NBPF4: variants seen among roughly 807,000 people sequenced by gnomAD.
NBPF4 encodes the protein NBPF member 4, also known as NBPF family member NBPF4.
Under a neutral mutation model 21.1 loss-of-function variants are expected in NBPF4, and 11 were observed. That is an observed-to-expected ratio of 0.52 (90% CI 0.33 to 0.86). The LOEUF (loss-of-function observed/expected upper bound fraction) is 0.86, where lower values mean the gene tolerates loss of function less well. NBPF4 is among the 40% of genes least tolerant of loss of function. The pLI is 0.03. For synonymous variants in NBPF4, 47 were observed against 106.4 expected (o/e 0.44, Z 3.43); for missense variants, 88 against 265.3 (o/e 0.33, Z 4.64).
chr1:108,258,578 T>C, the NBPF4 span, among the ~76,000 whole-genome samples: 2 of 139,306 alleles, frequency 1.4e-5, no homozygotes, highest in East Asian at 4.0e-4. Flanking sequence ...GAAAAGAATC[T>C]TTTTCATTTT....
chr1:108,247,591 G>T (rs1322005491), upstream of NBPF4, among the ~76,000 whole-genome samples: 1 of 152,176 alleles, frequency 6.6e-6, no homozygotes, highest in African/African-American at 2.4e-5. Context: ...ATCTCAGAAA[G>T]AGTCCCCTCC....
At position 108,223,743 on chromosome 1, in the gene NBPF4, G is replaced by A; in HGVS notation, c.1879C>T (p.Pro627Ser). 6.4e-7 allele frequency: 1 copy of A among 1,553,850 alleles called. No individual in the cohort carries two copies. Among genetic ancestry groups the A allele is most frequent in the Non-Finnish European group, 8.7e-7 (1 of 1,148,312 alleles). The change falls in exon 15 of 15, where the codon CCA (proline) becomes TCA (serine). Residue 627 changes from proline (P) to serine (S), a missense_variant. Physicochemically the swap from Pro to Ser is moderately conservative, Grantham distance 74. Around this residue, in one of 4 missense-constraint regions of NBPF4, gnomAD observed 17 missense variants for 20.7 expected, o/e 0.82. Coordinates refer to ENST00000415641, the MANE Select transcript of NBPF4 (RefSeq NM_001143989.3). The stretch of plus-strand genomic sequence containing the variant: ...CTTTGCGTCCTTCCAGCAGTATTTG[G>A]TATCTGTAGGGGAGAGAGAGAAAAA... ...AGPHAESAEI[P>S]NTAGRTQRMA...
At chr1:108,226,436 A>T (rs1258020137) in intron 14 of NBPF4, among the ~76,000 whole-genome samples, 1 of 150,778 alleles carries the variant, frequency 6.6e-6, no homozygotes, top group Non-Finnish European at 1.5e-5. Flanking sequence ...TCCTGTGGCC[A>T]TGAGAGGGAC....
At position 108,223,101 on chromosome 1, in the gene NBPF4, C is replaced by A. The variant is rs1371512190; in HGVS notation, c.*604G>T. Among the ~76,000 whole-genome samples the A allele has an allele frequency of 6.6e-6, 1 of 152,150 alleles. No homozygotes were observed. Among genetic ancestry groups the A allele is most frequent in the Non-Finnish European group, 1.5e-5 (1 of 68,022 alleles). On this transcript the variant is annotated 3_prime_UTR_variant, in exon 15 of 15. Transcript: ENST00000415641. ...GTCCTCCACAAACAAGTCCATGTCACCACCATCAATGACAACAACAAAAAG... is the reference window on the plus strand; with the variant it reads ...GTCCTCCACAAACAAGTCCATGTCAACACCATCAATGACAACAACAAAAAG...
chr1:108,258,438 T>TA, the NBPF4 span, among the ~76,000 whole-genome samples: 1 of 139,868 alleles, frequency 7.1e-6, no homozygotes, highest in African/African-American at 2.7e-5. Context: ...GCATTGGAAT[T>TA]ACATAAAATA....
chr1:108,244,945 TATACAC>T (rs1275758992), upstream of NBPF4, among the ~76,000 whole-genome samples: 91 of 37,980 alleles, frequency 2.4e-3, 15 homozygotes, highest in African/African-American at 7.8e-3. Context: ...TATATATATA[TATACAC>T]ACACATATAG....
the NBPF4 span, among the ~76,000 whole-genome samples, chr1:108,252,377 A>C: frequency 1.1e-4 from 2 of 18,602 alleles, no homozygotes; most frequent in East Asian, 2.4e-3. Flanking sequence ...ATTGGCTTGA[A>C]GTTTTTTTTT....
At chr1:108,252,580 C>A in the NBPF4 span, among the ~76,000 whole-genome samples, 4 of 95,308 alleles carry the variant, frequency 4.2e-5, no homozygotes, top group Admixed American at 1.1e-4. Context: ...TTTTTTATTA[C>A]CAATTCAATT....
chr1:108,229,758 CCCTT>C (rs1489890483), intron 12 of NBPF4, among the ~76,000 whole-genome samples: 11 of 73,872 alleles, frequency 1.5e-4, no homozygotes, highest in Non-Finnish European at 2.6e-4. Flanking sequence ...AGGGACCAGT[CCCTT>C]CCTGCAAATT....
At chr1:108,229,228 C>G in intron 12 of NBPF4, 72 bp from the exon 13 acceptor site, 3 of 1,186,788 alleles carry the variant, frequency 2.5e-6, no homozygotes, top group Non-Finnish European at 3.6e-6. Flanking sequence ...GAACACCCAT[C>G]CCTGATGTCC....
At chr1:108,246,579 C>T, upstream of NBPF4, among the ~76,000 whole-genome samples, 3 of 107,278 alleles carry the variant, frequency 2.8e-5, 1 homozygote, top group Non-Finnish European at 3.9e-5. Flanking sequence ...CTCAGAATGA[C>T]CTGGCCGTGA....
the NBPF4 span, among the ~76,000 whole-genome samples, chr1:108,257,535 T>C: frequency 2.0e-5 from 3 of 148,734 alleles, no homozygotes; most frequent in South Asian, 6.4e-4. Context: ...CTAATTTTTA[T>C]ATATGGAGTG....
Position 108,223,624 on chromosome 1 carries a change from A to C in NBPF4, c.*81T>G. 8.3e-7 allele frequency: 1 copy of C among 1,203,078 alleles called. No homozygotes were observed. The highest frequency in any genetic ancestry group is 1.2e-6 in the Non-Finnish European group (1 of 826,742). 74.5% of individuals were successfully genotyped at this position (1,203,078 alleles called of 1,614,324 possible). On this transcript the variant is annotated 3_prime_UTR_variant, in exon 15 of 15. Transcript: ENST00000415641. ...TCAATCCTCAGTGAAGGACCCCTGC[A>C]GTATTGTGTTTGGACTTAAACTTGC...
rs886436252 is a variant in NBPF4 at position 108,223,247 on chromosome 1, T to C, written c.*458A>G. 2 of 154,256 alleles carry C rather than the reference T, an allele frequency of 1.3e-5. No individual in the cohort carries two copies. Among genetic ancestry groups the C allele is most frequent in the African/African-American group, 2.4e-5 (1 of 41,466 alleles). 9.6% of individuals were successfully genotyped at this position (154,256 alleles called of 1,614,324 possible). On this transcript the variant is annotated 3_prime_UTR_variant, in exon 15 of 15. Transcript: ENST00000415641. The stretch of plus-strand genomic sequence containing the variant: ...TTGTGTTCTTGGTGGTGACATGGAC[T>C]GTTTGAAGGAGACAGGTCAGTTGTC...
chr1:108,241,577 T>C (rs1237925154), intron 3 of NBPF4, among the ~76,000 whole-genome samples: 30 of 141,232 alleles, frequency 2.1e-4, no homozygotes, highest in African/African-American at 7.2e-4. Context: ...AAAATTCACA[T>C]AGCGCATCTT....
rs2259311 is a variant in NBPF4 at position 108,223,712 on chromosome 1, G to A, written c.1910C>T (p.Ala637Val). The change falls in exon 15 of 15, where the codon GCA (alanine) becomes GTA (valine). Residue 637 changes from alanine (A) to valine (V), a missense_variant. Ala to Val is a moderately conservative substitution (Grantham distance 64). This residue lies in a region of NBPF4 where 17 missense variants were observed against 20.7 expected (regional missense o/e 0.82). Coordinates refer to ENST00000415641, the MANE Select transcript of NBPF4 (RefSeq NM_001143989.3). ...PNTAGRTQRM[A>V]G Reference sequence around the variant, plus strand: ...GCTTTTTGTGACATTCTTTCATCCTGCCATCCTTTGCGTCCTTCCAGCAGT... The same window carrying A: ...GCTTTTTGTGACATTCTTTCATCCTACCATCCTTTGCGTCCTTCCAGCAGT... 8.0e-4 allele frequency: 1,254 copies of A among 1,563,206 alleles called. 1 individual carries two copies. Among genetic ancestry groups the A allele is most frequent in the Non-Finnish European group, 9.4e-4 (1,087 of 1,152,950 alleles).
intron 9 of NBPF4, among the ~76,000 whole-genome samples, chr1:108,234,806 G>A (rs1467275938): frequency 1.1e-5 from 1 of 90,962 alleles, no homozygotes; most frequent in Non-Finnish European, 2.1e-5. Flanking sequence ...AGGCATAATC[G>A]TATCCCCGAA....
In NBPF4 at chr1:108,223,734, C is replaced by G. The variant is rs1257029505; in HGVS notation, c.1888G>C (p.Ala630Pro). ...CCTGCCATCCTTTGCGTCCTTCCAG[C>G]AGTATTTGGTATCTGTAGGGGAGAG... ...HAESAEIPNT[A>P]GRTQRMAG is the part of the protein sequence containing the mutation. The change falls in exon 15 of 15, where the codon GCT becomes CCT. Residue 630 changes from alanine to proline, a missense_variant. Transcript: ENST00000415641. 1 of 1,557,214 alleles carries G rather than the reference C, an allele frequency of 6.4e-7. No homozygotes were observed. Among genetic ancestry groups the G allele is most frequent in the Admixed American group, 1.9e-5 (1 of 51,524 alleles).
chr1:108,256,877 C>T, the NBPF4 span, among the ~76,000 whole-genome samples: 2 of 142,292 alleles, frequency 1.4e-5, no homozygotes, highest in African/African-American at 2.8e-5. Context: ...ACCTTGGCCT[C>T]CCAAAGTGCT....
Sources: allele counts gnomAD v4.1 joint callset (sites outside exome capture counted in the v4.1 genomes callset), GRCh38; gene constraint gnomAD v4.1.1; regional missense constraint gnomAD v4.1.1; transcripts MANE v1.5; gene names NCBI Gene and HGNC (gene_info 2026-07-23, HGNC 2026-07-21).